LRP1B: variants seen among roughly 807,000 people sequenced by gnomAD.
The protein encoded by LRP1B is LDL receptor related protein 1B.
A neutral mutation model predicts 556.6 loss-of-function variants in LRP1B; 217 were observed. The ratio of observed to expected loss-of-function variants is 0.39; its 90% confidence interval spans 0.35 to 0.44. The LOEUF is 0.44. Among genes scored for constraint, LRP1B ranks in the 20% least tolerant of loss-of-function variants. The pLI is 1.00. For synonymous variants in LRP1B, 2,047 were observed against 1,865.8 expected (o/e 1.10, Z -2.50); for missense variants, 5,053 against 5,620.8 (o/e 0.90, Z 3.23).
chr2:140,804,117 T>C (rs1690626709), intron 32 of LRP1B, among the ~76,000 whole-genome samples: 1 of 151,948 alleles, frequency 6.6e-6, no homozygotes, highest in Non-Finnish European at 1.5e-5. Context: ...GGACTTGCAT[T>C]GTAGGAAACA....
chr2:141,302,764 T>C (rs2714203), intron 3 of LRP1B, among the ~76,000 whole-genome samples: 6,914 of 152,220 alleles, frequency 0.045, 173 homozygotes, highest in South Asian at 0.11. Flanking sequence ...CATATATCAA[T>C]GTCAAATCTA....
chr2:141,155,468 T>G (rs935502296), intron 7 of LRP1B, among the ~76,000 whole-genome samples: 1 of 115,914 alleles, frequency 8.6e-6, no homozygotes, highest in Non-Finnish European at 2.3e-5. Flanking sequence ...TTTATTTTAT[T>G]TTTTTCTTTT....
intron 1 of LRP1B, among the ~76,000 whole-genome samples, chr2:141,910,558 A>G (rs1004544955): frequency 6.6e-6 from 1 of 152,078 alleles, no homozygotes; most frequent in African/African-American, 2.4e-5. Flanking sequence ...GCTACTTATT[A>G]TACTGCATGA....
intron 43 of LRP1B, among the ~76,000 whole-genome samples, chr2:140,595,667 A>C (rs1336218524): frequency 6.6e-6 from 1 of 152,108 alleles, no homozygotes; most frequent in Non-Finnish European, 1.5e-5. Flanking sequence ...TTTACAACTA[A>C]ATTAATTATA....
intron 2 of LRP1B, among the ~76,000 whole-genome samples, chr2:141,731,206 G>A (rs1693260035): frequency 6.6e-6 from 1 of 152,054 alleles, no homozygotes; most frequent in South Asian, 2.1e-4. Context: ...AATGTTACCT[G>A]GAGCATGGCC....
At position 141,001,512 on chromosome 2, in the gene LRP1B, C is replaced by A. The variant is rs140489416; in HGVS notation, c.2503+3823G>T. 3.9e-3 allele frequency among the ~76,000 whole-genome samples: 599 copies of A among 152,140 alleles called. 3 individuals are homozygous for A. Among genetic ancestry groups the A allele is most frequent in the African/African-American group, 0.014 (574 of 41,546 alleles). On this transcript the variant is annotated intron_variant, in intron 15 of 90. Coordinates refer to ENST00000389484, the MANE Select transcript of LRP1B (RefSeq NM_018557.3). ...AGGCGCCAGTGTGTGATGTTCCCCA[C>A]CCTGTGTCCAAGTGTTCTCATTGTT...
In LRP1B at chr2:140,509,928, C is replaced by A. The variant is rs376234911; in HGVS notation, c.8398G>T (p.Ala2800Ser). ...GSDELSTAGC[A>S]PNNTCDENAF... ...ATGCAGCCCTGGCCAGTGTTCATAC[C>A]GCAGCCTGCTGTGGAAAGCTCATCG... is the stretch of plus-strand genomic sequence containing the variant. The change falls in exon 52 of 91, where the codon GCT (alanine) becomes TCT (serine). Residue 2800 changes from alanine (A) to serine (S), a missense_variant and splice_region_variant. Ala to Ser is a moderately conservative substitution (Grantham distance 99, BLOSUM62 1). Around this residue, in one of 5 missense-constraint regions of LRP1B, gnomAD observed 3,619 missense variants for 3,931.9 expected, o/e 0.92. Coordinates refer to ENST00000389484, the MANE Select transcript of LRP1B (RefSeq NM_018557.3). 1 of 1,612,828 alleles carries A rather than the reference C, an allele frequency of 6.2e-7. No homozygotes were observed. The highest frequency in any genetic ancestry group is 1.1e-5 in the South Asian group (1 of 90,888).
chr2:141,181,592 TGGAA>T (rs1680995984), intron 7 of LRP1B, among the ~76,000 whole-genome samples: 1 of 151,866 alleles, frequency 6.6e-6, no homozygotes, highest in Non-Finnish European at 1.5e-5. Flanking sequence ...AGTAGAAATG[TGGAA>T]CGTTTTTGCA....
chr2:141,841,257 C>T (rs1385157798), intron 1 of LRP1B, among the ~76,000 whole-genome samples: 1 of 152,004 alleles, frequency 6.6e-6, no homozygotes, highest in Non-Finnish European at 1.5e-5. Context: ...TCATAATTTC[C>T]ATAATAAAAT....
chr2:141,317,143 G>T (rs1687063800), intron 3 of LRP1B, among the ~76,000 whole-genome samples: 1 of 152,158 alleles, frequency 6.6e-6, no homozygotes. Flanking sequence ...CTGAGACATT[G>T]TATCTTTAAA....
chr2:140,888,500 T>C (rs1693705041), intron 23 of LRP1B, among the ~76,000 whole-genome samples: 1 of 151,006 alleles, frequency 6.6e-6, no homozygotes, highest in African/African-American at 2.4e-5. Context: ...TATATATATA[T>C]ACTTATACAT....
In LRP1B at chr2:141,635,047, A is replaced by ACACACACACAC. The variant is rs35004868; in HGVS notation, c.206-154515_206-154514insGTGTGTGTGTG. ...TAACATATAGTCAGAACTATAGTGA[A>ACACACACACAC]ACACACACACACACACACACCAAGT... On this transcript the variant is annotated intron_variant, in intron 2 of 90. Transcript: ENST00000389484. Among the ~76,000 whole-genome samples the ACACACACACAC allele has an allele frequency of 8.2e-3, 1,237 of 150,028 alleles. 13 individuals are homozygous for ACACACACACAC. The highest frequency in any genetic ancestry group is 0.023 in the African/African-American group (933 of 40,832).
intron 2 of LRP1B, among the ~76,000 whole-genome samples, chr2:141,645,459 G>A (rs1490248625): frequency 3.1e-5 from 4 of 129,746 alleles, no homozygotes; most frequent in Non-Finnish European, 4.8e-5. Context: ...ACTCTCCAAA[G>A]AAGACAAGGC....
chr2:141,482,587 G>A (rs1319125093), intron 2 of LRP1B, among the ~76,000 whole-genome samples: 1 of 151,268 alleles, frequency 6.6e-6, no homozygotes, highest in Non-Finnish European at 1.5e-5. Flanking sequence ...TAAGTGAAAG[G>A]GTTTTCACTG....
chr2:140,885,608 C>G (rs1693611368), intron 24 of LRP1B, among the ~76,000 whole-genome samples: 1 of 151,964 alleles, frequency 6.6e-6, no homozygotes, highest in South Asian at 2.1e-4. Context: ...GCCTCGGCCT[C>G]CCAATGTGCT....
At chr2:142,002,768 G>A (rs1300617735) in intron 1 of LRP1B, among the ~76,000 whole-genome samples, 3 of 151,978 alleles carry the variant, frequency 2.0e-5, no homozygotes, top group Non-Finnish European at 2.9e-5. Flanking sequence ...TTCAGAGAAC[G>A]TAGCCACTTT....
intron 2 of LRP1B, among the ~76,000 whole-genome samples, chr2:141,545,872 T>C (rs1162008788): frequency 1.3e-5 from 2 of 152,062 alleles, no homozygotes; most frequent in Non-Finnish European, 2.9e-5. Flanking sequence ...ACATATTCCA[T>C]AAAGAAACAC....
chr2:142,078,201 C>T (rs1705581127), intron 1 of LRP1B, among the ~76,000 whole-genome samples: 1 of 152,070 alleles, frequency 6.6e-6, no homozygotes, highest in South Asian at 2.1e-4. Flanking sequence ...TTGAAATGTA[C>T]ATTTTCTCAA....
chr2:140,866,792 T>A (rs1310932965), intron 27 of LRP1B, among the ~76,000 whole-genome samples: 1 of 152,082 alleles, frequency 6.6e-6, no homozygotes, highest in Non-Finnish European at 1.5e-5. Flanking sequence ...TAAAAGATAC[T>A]ATAATACAAA....
Sources: gnomAD v4.1 joint callset for allele counts (sites outside exome capture counted in the v4.1 genomes callset) on GRCh38, gnomAD v4.1.1 for gene constraint, gnomAD v4.1.1 regional missense constraint, MANE v1.5 for transcripts, NCBI Gene and HGNC (gene_info 2026-07-23, HGNC 2026-07-21) for gene names.